The following EEA1 variants were observed in gnomAD, a reference collection of about 807,000 sequenced individuals.
EEA1 encodes early endosome antigen 1, 162kD.
In EEA1, 111 loss-of-function variants were observed where a neutral mutation model predicts 209.2. That is an observed-to-expected ratio of 0.53 (90% CI 0.45 to 0.62). The LOEUF is 0.62. Ranked by LOEUF, EEA1 falls within the 20% of genes least tolerant of loss-of-function variation. The pLI is 0.00. For synonymous variants in EEA1, 536 were observed against 540.6 expected (o/e 0.99, Z 0.12); for missense variants, 1,343 against 1,530.8 (o/e 0.88, Z 2.05).
chr12:92,885,037 T>C (rs146456115), intron 2 of EEA1, among the ~76,000 whole-genome samples: 267 of 152,020 alleles, frequency 1.8e-3, no homozygotes, highest in African/African-American at 6.3e-3. Context: ...ATGTCTTTTT[T>C]TAATGTGCAA....
At chr12:92,821,590 C>T (rs1876054335) in intron 13 of EEA1, among the ~76,000 whole-genome samples, 1 of 152,124 alleles carries the variant, frequency 6.6e-6, no homozygotes, top group Non-Finnish European at 1.5e-5. Flanking sequence ...TTTCAACCTC[C>T]ATCACAGTAT....
intron 10 of EEA1, chr12:92,835,502 C>T: frequency 4.0e-6 from 1 of 247,372 alleles, no homozygotes; most frequent in South Asian, 3.9e-5. Context: ...AGCTCCACCT[C>T]CCGGGTTCAC....
At chr12:92,842,347 CT>C in intron 10 of EEA1, 117 bp downstream of exon 10, 1 of 556,238 alleles carries the variant, frequency 1.8e-6, no homozygotes, top group Non-Finnish European at 3.1e-6. Flanking sequence ...ATATTAAACA[CT>C]AAAAAAAAAA....
chr12:92,867,372 C>A (rs1565842230), intron 2 of EEA1, among the ~76,000 whole-genome samples: 1 of 152,022 alleles, frequency 6.6e-6, no homozygotes, highest in African/African-American at 2.4e-5. Flanking sequence ...TCCATAATGG[C>A]CACAGGTGGT....
chr12:92,913,650 G>A (rs1053683450), intron 1 of EEA1, among the ~76,000 whole-genome samples: 1 of 151,862 alleles, frequency 6.6e-6, no homozygotes, highest in Admixed American at 6.6e-5. Flanking sequence ...TTACTTCCAG[G>A]TTTTTTGTTT....
rs1430909913 is a variant in EEA1, at chr12:92,773,285, T to C, written c.*2726A>G. The C allele has an allele frequency of 2.0e-5, 3 of 152,192 alleles. No individual in the cohort carries two copies. The allele number at this position is 152,192 out of a possible 1,614,324, so 9.4% of individuals were successfully genotyped here. A position where few individuals can be genotyped will look rare whatever the true frequency, so the allele number is the denominator to read the frequency against. ...AGTGGCTTTAAAGTTCTCAAAACTATATAAAATAATCATAAAGACTTTTTT... is the reference window on the plus strand; with the variant it reads ...AGTGGCTTTAAAGTTCTCAAAACTACATAAAATAATCATAAAGACTTTTTT... On this transcript the variant is annotated 3_prime_UTR_variant, in exon 29 of 29. Coordinates refer to ENST00000322349, the MANE Select transcript of EEA1 (RefSeq NM_003566.4).
At chr12:92,806,706 T>C (rs1214168706) in intron 18 of EEA1, among the ~76,000 whole-genome samples, 2 of 152,168 alleles carry the variant, frequency 1.3e-5, no homozygotes, top group Non-Finnish European at 2.9e-5. Context: ...CTCATAAATA[T>C]ATGAAACATT....
intron 3 of EEA1, chr12:92,858,268 G>C: frequency 4.1e-6 from 3 of 730,466 alleles, no homozygotes; most frequent in Non-Finnish European, 7.7e-6. Context: ...GCTAAAACTG[G>C]AATGATCCTT....
intron 10 of EEA1, chr12:92,835,337 C>A: frequency 3.5e-6 from 1 of 282,256 alleles, no homozygotes; most frequent in Non-Finnish European, 7.0e-6. Context: ...TCCCCACAGA[C>A]TTACTTAGAA....
At chr12:92,843,008 T>C (rs1378831139) in intron 9 of EEA1, among the ~76,000 whole-genome samples, 1 of 152,218 alleles carries the variant, frequency 6.6e-6, no homozygotes, top group Non-Finnish European at 1.5e-5. Flanking sequence ...AACACAGAGC[T>C]TGATATTAGT....
intron 2 of EEA1, among the ~76,000 whole-genome samples, chr12:92,885,140 T>G (rs768683165): frequency 6.6e-6 from 1 of 152,058 alleles, no homozygotes. Context: ...TGGTCAACAA[T>G]AGGCTATTAG....
At position 92,819,389 on chromosome 12, in the gene EEA1, A is replaced by C. The variant is rs773685542; in HGVS notation, c.1647T>G (p.Leu549=). ...ISLLEKERED[L]YAKIQAGEGE... ...CTTCACCAGCCTGAATTTTTGCATA[A>C]AGATCTTCTCTTTCTTTTTCTAGTA... is the stretch of plus-strand genomic sequence containing the variant. The change falls in exon 14 of 29, where the codon CTT becomes CTG. Residue 549 remains leucine, a synonymous_variant. Coordinates refer to ENST00000322349, the MANE Select transcript of EEA1 (RefSeq NM_003566.4). 3.1e-6 allele frequency: 5 copies of C among 1,613,016 alleles called. No homozygotes were observed. Among genetic ancestry groups the C allele is most frequent in the Non-Finnish European group, 4.2e-6 (5 of 1,179,484 alleles).
rs1878722027 is a variant in EEA1 at position 92,873,037 on chromosome 12, A to G, written c.118-8050T>C. Among the ~76,000 whole-genome samples, 3 of 152,244 alleles carry G rather than the reference A, an allele frequency of 2.0e-5. No individual in the cohort carries two copies. The South Asian group carries it at 6.2e-4, about 31-fold the overall frequency. On this transcript the variant is annotated intron_variant, in intron 2 of 28. Coordinates refer to ENST00000322349, the MANE Select transcript of EEA1 (RefSeq NM_003566.4). Reference sequence around the variant, plus strand: ...AAATAAAATGAAGACAGCAATAAGCATGAAATGTTATAACATCATGAGTGT... The same window carrying G: ...AAATAAAATGAAGACAGCAATAAGCGTGAAATGTTATAACATCATGAGTGT...
At chr12:92,787,838 A>T in intron 22 of EEA1, 29 bp downstream of exon 22, 1 of 1,432,252 alleles carries the variant, frequency 7.0e-7, no homozygotes, top group Non-Finnish European at 9.2e-7. Context: ...ACTTACTGAG[A>T]CTTTATGGTA....
intron 2 of EEA1, among the ~76,000 whole-genome samples, chr12:92,890,519 T>C (rs1280125151): frequency 6.6e-6 from 1 of 152,120 alleles, no homozygotes; most frequent in Non-Finnish European, 1.5e-5. Context: ...TCTCAGAAAG[T>C]AGGAAGTTAA....
intron 2 of EEA1, among the ~76,000 whole-genome samples, chr12:92,891,373 T>G (rs887669970): frequency 6.6e-6 from 1 of 152,172 alleles, no homozygotes; most frequent in Non-Finnish European, 1.5e-5. Flanking sequence ...AACAGACGTT[T>G]TAAAATCTTC....
rs768836033 is a variant in EEA1 at position 92,782,084 on chromosome 12, TTC to T, written c.3200_3201del (p.Arg1067LysfsTer8). 1 of 1,612,844 alleles carries T rather than the reference TTC, an allele frequency of 6.2e-7. No individual in the cohort carries two copies. The highest frequency in any genetic ancestry group is 8.5e-7 in the Non-Finnish European group (1 of 1,179,234). On this transcript the variant is annotated frameshift_variant, in exon 23 of 29. Transcript: ENST00000322349. LOFTEE classifies it high-confidence loss of function. ...SLAQEDLISN[R>X]NQIGNQNKLI... Reference sequence around the variant, plus strand: ...AATTTATTTTGATTTCCAATTTGATTTCTGTTTGAAATCAAGTCCTCCTGTGC... The same window carrying T: ...AATTTATTTTGATTTCCAATTTGATTTGTTTGAAATCAAGTCCTCCTGTGC...
intron 23 of EEA1, among the ~76,000 whole-genome samples, chr12:92,780,631 T>C (rs1270257761): frequency 1.3e-5 from 2 of 152,170 alleles, no homozygotes; most frequent in Non-Finnish European, 2.9e-5. Flanking sequence ...ATAGTTAATA[T>C]TGTGAGATAA....
chr12:92,809,694 C>CAA (rs879808819), intron 17 of EEA1, among the ~76,000 whole-genome samples: 22 of 107,672 alleles, frequency 2.0e-4, no homozygotes, highest in Non-Finnish European at 3.5e-4. Context: ...GACTCCATCT[C>CAA]AAAAAAAAAA....
Sources: gnomAD v4.1 joint callset for allele counts (sites outside exome capture counted in the v4.1 genomes callset) on GRCh38, gnomAD v4.1.1 for gene constraint, MANE v1.5 for transcripts, NCBI Gene and HGNC (gene_info 2026-07-23, HGNC 2026-07-21) for gene names.